WDFY3: variants seen among roughly 807,000 people sequenced by gnomAD.
The protein encoded by WDFY3 is WD repeat and FYVE domain containing 3.
A neutral mutation model predicts 409.6 loss-of-function variants in WDFY3; 66 were observed. That is an observed-to-expected ratio of 0.16 (90% CI 0.13 to 0.20). The LOEUF is 0.20. Ranked by LOEUF, WDFY3 falls within the 10% of genes least tolerant of loss-of-function variation. The pLI is 1.00. For synonymous variants in WDFY3, 1,521 were observed against 1,537.1 expected, an observed-to-expected ratio of 0.99 and a Z score of 0.25; for missense variants, 3,031 against 4,298.1, an observed-to-expected ratio of 0.71 and a Z score of 8.24.
At chr4:84,698,457 G>C (rs1377625615) in intron 56 of WDFY3, among the ~76,000 whole-genome samples, 1 of 151,768 alleles carries the variant, frequency 6.6e-6, no homozygotes, top group African/African-American at 2.4e-5. Flanking sequence ...TTATTTTGAA[G>C]GGACGAGGTT....
intron 67 of WDFY3, 23 bp downstream of exon 67, chr4:84,677,176 A>T: frequency 6.2e-7 from 1 of 1,613,598 alleles, no homozygotes; most frequent in Non-Finnish European, 8.5e-7. Flanking sequence ...ATGTAAATTC[A>T]AAAAGCAGAT....
At chr4:84,675,255 C>T (rs983357717) in intron 67 of WDFY3, among the ~76,000 whole-genome samples, 1 of 152,072 alleles carries the variant, frequency 6.6e-6, no homozygotes, top group African/African-American at 2.4e-5. Flanking sequence ...TGTGCCCGGT[C>T]CCATTATAGG....
chr4:84,955,807 T>C (rs1774169393), intron 1 of WDFY3, among the ~76,000 whole-genome samples: 1 of 152,244 alleles, frequency 6.6e-6, no homozygotes, highest in Non-Finnish European at 1.5e-5. Flanking sequence ...AAGTAACGAA[T>C]ATTTTGAGAA....
intron 1 of WDFY3, among the ~76,000 whole-genome samples, chr4:84,951,032 C>T (rs1244553765): frequency 6.6e-6 from 1 of 152,200 alleles, no homozygotes; most frequent in Non-Finnish European, 1.5e-5. Flanking sequence ...AAACACAATG[C>T]AAAATGCATC....
At chr4:84,891,558 G>C (rs1388370507) in intron 3 of WDFY3, among the ~76,000 whole-genome samples, 1 of 151,974 alleles carries the variant, frequency 6.6e-6, no homozygotes, top group Non-Finnish European at 1.5e-5. Context: ...TAATCCACAA[G>C]AATCTACAGA....
chr4:84,765,766 C>T, intron 32 of WDFY3, 44 bp downstream of exon 32: 2 of 1,557,090 alleles, frequency 1.3e-6, no homozygotes, highest in Non-Finnish European at 1.8e-6. Flanking sequence ...TAAAACAAAA[C>T]ACACCAGCTC....
intron 47 of WDFY3, 90 bp from the exon 48 acceptor site, chr4:84,718,660 A>C: frequency 7.0e-7 from 1 of 1,423,432 alleles, no homozygotes; most frequent in Non-Finnish European, 9.5e-7. Flanking sequence ...AGAGCTAAGC[A>C]TATTAAATCA....
At chr4:84,779,732 A>G (rs1272459121) in intron 26 of WDFY3, among the ~76,000 whole-genome samples, 1 of 152,120 alleles carries the variant, frequency 6.6e-6, no homozygotes, top group Non-Finnish European at 1.5e-5. Context: ...TCTACCATGG[A>G]TTTGGCAATC....
intron 3 of WDFY3, among the ~76,000 whole-genome samples, chr4:84,869,043 T>C (rs72947579): frequency 4.9e-4 from 75 of 152,348 alleles, no homozygotes; most frequent in African/African-American, 1.8e-3. Flanking sequence ...TACATACGTT[T>C]GCTAACCTGT....
In WDFY3 at chr4:84,966,513, TC is replaced by T; in HGVS notation, c.-531del. The T allele has an allele frequency of 6.3e-6, 1 of 159,286 alleles. No individual in the cohort carries two copies. Among genetic ancestry groups the T allele is most frequent in the Non-Finnish European group, 1.4e-5 (1 of 72,222 alleles). The allele number at this position is 159,286 out of a possible 1,614,324, so 9.9% of individuals were successfully genotyped here. On this transcript the variant is annotated 5_prime_UTR_variant, in exon 1 of 68. The change abolishes the stop of an existing upstream ORF in the 5' untranslated region. Coordinates refer to ENST00000295888, the MANE Select transcript of WDFY3 (RefSeq NM_014991.6). ...CCGCCGCGTCCTCGTCCTCGCTGGG[TC>T]CCCGCCGCCGCCGCCTCAGCCTCGG...
chr4:84,756,564 G>A (rs978865638), intron 33 of WDFY3, among the ~76,000 whole-genome samples: 6 of 149,222 alleles, frequency 4.0e-5, no homozygotes, highest in African/African-American at 1.5e-4. Context: ...TAGCCTGGGT[G>A]ACAGAGTAAG....
chr4:84,930,412 C>T (rs942223187), intron 2 of WDFY3, among the ~76,000 whole-genome samples: 2 of 152,134 alleles, frequency 1.3e-5, no homozygotes, highest in Non-Finnish European at 2.9e-5. Context: ...GGAACACATA[C>T]ATTAATTCTT....
chr4:84,736,419 T>C (rs2149194395), intron 41 of WDFY3, 92 bp from the exon 42 acceptor site: 1 of 1,210,058 alleles, frequency 8.3e-7, no homozygotes, highest in Non-Finnish European at 1.1e-6. Context: ...ACTACAACCC[T>C]GTAGTTAACA....
At chr4:84,810,392 A>AAATACACATAATTC in intron 13 of WDFY3, 48 bp from the exon 14 acceptor site, 1 of 1,407,482 alleles carries the variant, frequency 7.1e-7, no homozygotes, top group Non-Finnish European at 9.3e-7. Context: ...ATAATTCAAA[A>AAATACACATAATTC]AAAAAAAAAA....
At chr4:84,764,072 T>C (rs1209263700) in intron 32 of WDFY3, among the ~76,000 whole-genome samples, 1 of 152,234 alleles carries the variant, frequency 6.6e-6, no homozygotes, top group African/African-American at 2.4e-5. Flanking sequence ...ATAAAATATA[T>C]GCCTGTCTCC....
chr4:84,934,310 T>C (rs1771139134), intron 1 of WDFY3, among the ~76,000 whole-genome samples: 1 of 152,178 alleles, frequency 6.6e-6, no homozygotes, highest in Non-Finnish European at 1.5e-5. Flanking sequence ...TTGTTTGCCA[T>C]ATGTATGTCT....
In WDFY3 at chr4:84,912,832, A is replaced by G. The variant is rs190592763; in HGVS notation, c.-131-15822T>C. On this transcript the variant is annotated intron_variant, in intron 2 of 67. Transcript: ENST00000295888. Reference sequence around the variant, plus strand: ...AGGATTTAAGGGTATAAAGGGATAGACTAACTCCTGTTTTGAGCAAATGCA... The same window carrying G: ...AGGATTTAAGGGTATAAAGGGATAGGCTAACTCCTGTTTTGAGCAAATGCA... Among the ~76,000 whole-genome samples, 3 of 152,324 alleles carry G rather than the reference A, an allele frequency of 2.0e-5. 1 individual carries two copies. Among genetic ancestry groups the G allele is most frequent in the South Asian group, 2.1e-4 (1 of 4,828 alleles).
chr4:84,774,097 A>G (rs1745153844), intron 29 of WDFY3, among the ~76,000 whole-genome samples: 1 of 152,248 alleles, frequency 6.6e-6, no homozygotes, highest in African/African-American at 2.4e-5. Context: ...ATTAGAGGTT[A>G]GTCCATGAGA....
intron 36 of WDFY3, among the ~76,000 whole-genome samples, chr4:84,747,198 C>A (rs564841211): frequency 6.6e-6 from 1 of 152,258 alleles, no homozygotes; most frequent in African/African-American, 2.4e-5. Context: ...GGGACACTAC[C>A]CAGGATCTTT....
Sources: allele counts gnomAD v4.1 joint callset (sites outside exome capture counted in the v4.1 genomes callset), GRCh38; gene constraint gnomAD v4.1.1; transcripts MANE v1.5; gene names NCBI Gene and HGNC (gene_info 2026-07-23, HGNC 2026-07-21).